UBE2F: variants seen among roughly 807,000 people sequenced by gnomAD.
UBE2F encodes NEDD8-conjugating enzyme UBE2F.
A neutral mutation model predicts 29.6 loss-of-function variants in UBE2F; 5 were observed. The ratio of observed to expected loss-of-function variants is 0.17; its 90% CI spans 0.09 to 0.36. The LOEUF (loss-of-function observed/expected upper bound fraction) is 0.36, where lower values mean the gene tolerates loss of function less well. UBE2F is among the 10% of genes least tolerant of loss of function. The probability of loss-of-function intolerance (pLI) is 1.00; values close to 1 mark genes in which losing one functional copy is unlikely to be tolerated. For missense variants in UBE2F, 141 were observed against 228.5 expected (o/e 0.62, Z 2.47); for synonymous variants, 66 against 81.8 (o/e 0.81, Z 1.04).
chr2:238,000,652 T>G (rs2063774469), intron 4 of UBE2F, among the ~76,000 whole-genome samples: 1 of 152,232 alleles, frequency 6.6e-6, no homozygotes, highest in African/African-American at 2.4e-5. Context: ...TTTGCCAGTA[T>G]GTTTTTATTT....
intron 1 of UBE2F, 57 bp from the exon 2 acceptor site, chr2:237,973,035 G>T: frequency 6.6e-7 from 1 of 1,524,554 alleles, no homozygotes. Context: ...TTTTCTCAGT[G>T]TCTAATTAGT....
chr2:237,974,510 T>A, intron 2 of UBE2F, among the ~76,000 whole-genome samples: 1 of 117,476 alleles, frequency 8.5e-6, no homozygotes, highest in Non-Finnish European at 1.8e-5. Flanking sequence ...GGTTTTTTTT[T>A]TTTTGTTTTT....
intron 4 of UBE2F, among the ~76,000 whole-genome samples, chr2:238,008,279 G>A (rs1421307565): frequency 2.0e-5 from 3 of 152,094 alleles, no homozygotes; most frequent in Non-Finnish European, 4.4e-5. Context: ...TTATTCAGTG[G>A]TAGAATTCAC....
intron 3 of UBE2F, chr2:237,990,431 C>G (rs1467565702): frequency 4.5e-6 from 2 of 445,094 alleles, no homozygotes; most frequent in South Asian, 3.2e-5. Context: ...TAGACAGGGT[C>G]TCTCTTTGTT....
rs2063406794 is a variant in UBE2F at position 237,982,920 on chromosome 2, ATCAG to A, written c.119-5041_119-5038del. On this transcript the variant is annotated intron_variant, in intron 2 of 9. Coordinates refer to ENST00000272930, the MANE Select transcript of UBE2F (RefSeq NM_080678.3). This position sits in a 1 kb window ranked among gnomAD's most constrained non-coding sequence, Gnocchi z 4.1. Reference sequence around the variant, plus strand: ...TGGCCCATTGGAAAGGCAGCTATGTATCAGTGTGGGCATGAGAAGAATAATGGTA... The same window carrying A: ...TGGCCCATTGGAAAGGCAGCTATGTATGTGGGCATGAGAAGAATAATGGTA... Among the ~76,000 whole-genome samples the A allele has an allele frequency of 6.6e-6, 1 of 152,158 alleles. No individual in the cohort carries two copies. The highest frequency in any genetic ancestry group is 2.4e-5 in the African/African-American group (1 of 41,440).
intron 6 of UBE2F, among the ~76,000 whole-genome samples, chr2:238,028,495 A>G (rs115861770): frequency 0.027 from 4,066 of 152,370 alleles, 172 homozygotes; most frequent in African/African-American, 0.093. Context: ...AAATATAGCC[A>G]CTAGGATTTG....
intron 5 of UBE2F, among the ~76,000 whole-genome samples, chr2:238,019,859 C>T (rs1322900040): frequency 6.6e-6 from 1 of 151,926 alleles, no homozygotes; most frequent in African/African-American, 2.4e-5. Context: ...GGGGTTTCAC[C>T]ATGTTGGCCG....
At chr2:237,971,440 A>G (rs891546248) in intron 1 of UBE2F, among the ~76,000 whole-genome samples, 4 of 152,172 alleles carry the variant, frequency 2.6e-5, no homozygotes, top group African/African-American at 9.7e-5. Context: ...CTCCTGCCTC[A>G]GCCTCCCAAG....
chr2:237,994,896 C>A, intron 4 of UBE2F, 87 bp downstream of exon 4: 1 of 1,046,702 alleles, frequency 9.6e-7, no homozygotes, highest in Non-Finnish European at 1.5e-6. Flanking sequence ...TTGGTTTGTC[C>A]TCTAGCTTTT....
At chr2:237,998,732 TCCACTGTGGTTGTGCCA>T (rs2063734970) in intron 4 of UBE2F, among the ~76,000 whole-genome samples, 2 of 152,138 alleles carry the variant, frequency 1.3e-5, no homozygotes, top group African/African-American at 4.8e-5. Context: ...TAAGAAACTT[TCCACTGTGGTTGTGCCA>T]TACCCTGACC....
chr2:238,031,174 C>T (rs1392310140), intron 7 of UBE2F, among the ~76,000 whole-genome samples: 1 of 152,230 alleles, frequency 6.6e-6, no homozygotes, highest in African/African-American at 2.4e-5. Flanking sequence ...GGCAGCCCAC[C>T]CAGCCTTTTC....
chr2:238,002,425 C>T (rs574146001), intron 4 of UBE2F, among the ~76,000 whole-genome samples: 6 of 152,248 alleles, frequency 3.9e-5, no homozygotes, highest in Admixed American at 1.3e-4. Context: ...TTAGTAAAGA[C>T]GAGGTTTCAC....
chr2:238,015,651 A>T (rs1216853963), intron 4 of UBE2F, among the ~76,000 whole-genome samples: 1 of 152,228 alleles, frequency 6.6e-6, no homozygotes, highest in African/African-American at 2.4e-5. Flanking sequence ...TTCATTTCAT[A>T]TAAAAATTTG....
chr2:238,024,465 C>T (rs2064367837), intron 5 of UBE2F, among the ~76,000 whole-genome samples: 2 of 152,102 alleles, frequency 1.3e-5, no homozygotes, highest in South Asian at 2.1e-4. Flanking sequence ...CCCACCTCAG[C>T]CTCCTGAGTA....
At chr2:237,999,680 G>T (rs2106360084) in intron 4 of UBE2F, among the ~76,000 whole-genome samples, 1 of 152,260 alleles carries the variant, frequency 6.6e-6, no homozygotes, top group African/African-American at 2.4e-5. Context: ...GACTGTATAT[G>T]TGTAGTTCTG....
At chr2:237,985,530 A>G (rs772488829) in intron 2 of UBE2F, among the ~76,000 whole-genome samples, 17 of 152,222 alleles carry the variant, frequency 1.1e-4, no homozygotes, top group Non-Finnish European at 2.1e-4. Flanking sequence ...AAATGACAGG[A>G]TCTCTTTTTT....
At chr2:237,985,286 A>C (rs900441924) in intron 2 of UBE2F, among the ~76,000 whole-genome samples, 1 of 152,214 alleles carries the variant, frequency 6.6e-6, no homozygotes, top group African/African-American at 2.4e-5. Flanking sequence ...CAATATTATG[A>C]ACTATAGTCA....
intron 3 of UBE2F, 77 bp downstream of exon 3, chr2:237,988,069 G>A (rs116145217): frequency 8.5e-6 from 7 of 819,510 alleles, no homozygotes; most frequent in Non-Finnish European, 1.3e-5. Flanking sequence ...TAATAACCTT[G>A]TATAGTAAAA....
chr2:238,010,821 C>G (rs2064005933), intron 4 of UBE2F, among the ~76,000 whole-genome samples: 2 of 152,188 alleles, frequency 1.3e-5, no homozygotes, highest in African/African-American at 4.8e-5. Context: ...ACTGGGATGC[C>G]AACTTGAAAT....
Sources: gnomAD v4.1 joint callset for allele counts (sites outside exome capture counted in the v4.1 genomes callset) on GRCh38, gnomAD v4.1.1 for gene constraint, Gnocchi (gnomAD v3.1) non-coding constraint, MANE v1.5 for transcripts, NCBI Gene and HGNC (gene_info 2026-07-23, HGNC 2026-07-21) for gene names.